CTNNA2: variants seen among roughly 807,000 people sequenced by gnomAD.
CTNNA2 encodes the protein catenin alpha 2, also known as catenin alpha-2.
Under a neutral mutation model 101.0 loss-of-function variants are expected in CTNNA2, and 42 were observed. The observed-to-expected ratio is 0.42, with a 90% CI of 0.32 to 0.54. CTNNA2 has a LOEUF of 0.54. CTNNA2 is among the 20% of genes least tolerant of loss of function. The pLI, the probability that CTNNA2 is intolerant of heterozygous loss-of-function variation, is 0.14. For synonymous variants in CTNNA2, 450 were observed against 456.4 expected (o/e 0.99, Z 0.18); for missense variants, 871 against 1,223.1 (o/e 0.71, Z 4.29).
chr2:79,347,263 CAAG>C (rs1677283391), intron 3 of CTNNA2, among the ~76,000 whole-genome samples: 1 of 152,042 alleles, frequency 6.6e-6, no homozygotes, highest in Non-Finnish European at 1.5e-5. Context: ...AAACTTTCCT[CAAG>C]AGCTATTAGT....
intron 7 of CTNNA2, among the ~76,000 whole-genome samples, chr2:80,340,686 G>T (rs952631200): frequency 6.6e-6 from 1 of 152,132 alleles, no homozygotes; most frequent in African/African-American, 2.4e-5. Context: ...GATTAGTTCT[G>T]TTGACAATTA....
intron 7 of CTNNA2, among the ~76,000 whole-genome samples, chr2:80,022,237 C>T (rs1694617520): frequency 6.6e-6 from 1 of 152,124 alleles, no homozygotes; most frequent in Non-Finnish European, 1.5e-5. Context: ...TTATTGAGCA[C>T]CTACTAATGG....
chr2:80,042,504 C>A (rs1696133376), intron 7 of CTNNA2, among the ~76,000 whole-genome samples: 1 of 152,120 alleles, frequency 6.6e-6, no homozygotes, highest in Non-Finnish European at 1.5e-5. Context: ...TTCCTGGCAT[C>A]TTTTATCTGG....
chr2:79,231,186 G>C (rs1674487346), intron 2 of CTNNA2, among the ~76,000 whole-genome samples: 1 of 152,272 alleles, frequency 6.6e-6, no homozygotes, highest in East Asian at 1.9e-4. Flanking sequence ...TGGTTTGGCT[G>C]TGCCCCCACC....
intron 7 of CTNNA2, among the ~76,000 whole-genome samples, chr2:80,211,284 C>G (rs1468991528): frequency 2.0e-5 from 3 of 152,148 alleles, no homozygotes; most frequent in Non-Finnish European, 4.4e-5. Flanking sequence ...GTCATGAAGT[C>G]CTTGCCCATG....
intron 7 of CTNNA2, among the ~76,000 whole-genome samples, chr2:79,979,785 C>G (rs756462401): frequency 1.1e-4 from 16 of 151,912 alleles, no homozygotes; most frequent in Non-Finnish European, 1.9e-4. Context: ...TGCACACTTA[C>G]AAGTATCAGA....
chr2:79,558,895 G>C (rs563137257), intron 1 of CTNNA2, among the ~76,000 whole-genome samples: 13 of 122,534 alleles, frequency 1.1e-4, no homozygotes, highest in African/African-American at 3.0e-4. Flanking sequence ...GCAGGATAGA[G>C]GTATTGAATA....
intron 9 of CTNNA2, among the ~76,000 whole-genome samples, chr2:80,493,087 C>G (rs1687190484): frequency 6.6e-6 from 1 of 152,142 alleles, no homozygotes; most frequent in Non-Finnish European, 1.5e-5. Context: ...AGGAGTGTTA[C>G]TTCTGGGAGG....
intron 4 of CTNNA2, among the ~76,000 whole-genome samples, chr2:79,386,230 T>C (rs1277741714): frequency 6.6e-6 from 1 of 152,190 alleles, no homozygotes. Context: ...TCTACAAAGA[T>C]CACTGATGGA....
intron 17 of CTNNA2, among the ~76,000 whole-genome samples, chr2:80,614,151 C>T (rs1160595799): frequency 6.6e-6 from 1 of 151,388 alleles, no homozygotes; most frequent in African/African-American, 2.4e-5. Flanking sequence ...AGCAGTAATA[C>T]TTTTTGAAAA....
Position 80,095,445 on chromosome 2 carries a change from G to A in CTNNA2, c.1056+185648G>A, listed in dbSNP as rs1573058807. 1.1e-4 allele frequency among the ~76,000 whole-genome samples: 16 copies of A among 152,308 alleles called. No individual in the cohort carries two copies. In the South Asian group the frequency reaches 3.1e-3, roughly 30 times the overall value. On this transcript the variant is annotated intron_variant, in intron 7 of 18. Transcript: ENST00000402739. ...GATTTTTGCGTCAATGTTCATCAAG[G>A]ATATTGGTCTAAAATTCTCTTTTTT...
intron 7 of CTNNA2, among the ~76,000 whole-genome samples, chr2:80,326,784 T>G (rs574698936): frequency 6.6e-6 from 1 of 152,236 alleles, no homozygotes; most frequent in South Asian, 2.1e-4. Context: ...GGAAGATGGG[T>G]TTGATTAGAT....
At chr2:79,962,994 C>T (rs1190610009) in intron 7 of CTNNA2, among the ~76,000 whole-genome samples, 2 of 148,236 alleles carry the variant, frequency 1.3e-5, no homozygotes, top group East Asian at 4.0e-4. Context: ...CGGTGTGAAC[C>T]CGGGAGGCGG....
At chr2:79,185,478 A>G (rs1344456773) in intron 1 of CTNNA2, 1 of 152,136 alleles carries the variant, frequency 6.6e-6, no homozygotes, top group Non-Finnish European at 1.5e-5. Flanking sequence ...TTCACCTCTG[A>G]TTATGTTTTT....
At chr2:79,258,328 T>C (rs945682344) in intron 2 of CTNNA2, among the ~76,000 whole-genome samples, 2 of 152,226 alleles carry the variant, frequency 1.3e-5, no homozygotes, top group African/African-American at 2.4e-5. Context: ...TTTGTATCCA[T>C]GCGACCTTGG....
chr2:79,795,776 G>A (rs927600957), intron 3 of CTNNA2, among the ~76,000 whole-genome samples: 8 of 152,104 alleles, frequency 5.3e-5, no homozygotes, highest in African/African-American at 1.9e-4. Flanking sequence ...ACATAAAAAG[G>A]GTTACTCAAC....
At chr2:80,427,558 A>G (rs1163452054) in intron 9 of CTNNA2, among the ~76,000 whole-genome samples, 1 of 152,214 alleles carries the variant, frequency 6.6e-6, no homozygotes, top group Non-Finnish European at 1.5e-5. Flanking sequence ...CATAGCAATG[A>G]TGAGTTAGAC....
At chr2:79,951,732 C>G (rs1473063310) in intron 7 of CTNNA2, among the ~76,000 whole-genome samples, 2 of 151,956 alleles carry the variant, frequency 1.3e-5, no homozygotes, top group African/African-American at 2.4e-5. Context: ...ATAAAAGCAT[C>G]TTTGTTTCTA....
chr2:80,615,789 A>C (rs1334099590), intron 17 of CTNNA2, among the ~76,000 whole-genome samples: 2 of 151,694 alleles, frequency 1.3e-5, no homozygotes, highest in Non-Finnish European at 3.0e-5. Flanking sequence ...TAGAAAAGAA[A>C]TATGTGCCAC....
Sources: allele counts gnomAD v4.1 joint callset (sites outside exome capture counted in the v4.1 genomes callset), GRCh38; gene constraint gnomAD v4.1.1; transcripts MANE v1.5; gene names NCBI Gene and HGNC (gene_info 2026-07-23, HGNC 2026-07-21).